SPOCK1: variants seen among roughly 807,000 people sequenced by gnomAD.
SPOCK1 encodes SPARC (osteonectin), cwcv and kazal like domains proteoglycan 1, also known as testican-1.
In SPOCK1, 23 loss-of-function variants were observed where a neutral mutation model predicts 55.3. That is an observed-to-expected ratio of 0.42 (90% CI 0.30 to 0.59). SPOCK1 has a LOEUF of 0.59. Ranked by LOEUF, SPOCK1 falls within the 20% of genes least tolerant of loss-of-function variation. The pLI, the probability that SPOCK1 is intolerant of heterozygous loss-of-function variation, is 0.22. For synonymous variants in SPOCK1, 226 were observed against 221.0 expected (o/e 1.02, Z -0.20); for missense variants, 499 against 552.5 (o/e 0.90, Z 0.97).
rs1419489607 is a variant in SPOCK1, at chr5:137,274,298, C to T, written c.187-7243G>A. On this transcript the variant is annotated intron_variant, in intron 2 of 10. Transcript: ENST00000394945. ...ATCTAGGAAGGAAAGAATAGGTCAG[C>T]ACCAAGGAGTTAAAGTCAGAGAAGA... Among the ~76,000 whole-genome samples, 5 of 152,154 alleles carry T rather than the reference C, an allele frequency of 3.3e-5. No homozygotes were observed. In the South Asian group the frequency reaches 8.3e-4, roughly 25 times the overall value.
chr5:137,411,758 G>C (rs1328651657), intron 2 of SPOCK1, among the ~76,000 whole-genome samples: 1 of 152,178 alleles, frequency 6.6e-6, no homozygotes, highest in African/African-American at 2.4e-5. Flanking sequence ...CTGCAAATGA[G>C]AGCATGGCAA....
intron 2 of SPOCK1, among the ~76,000 whole-genome samples, chr5:137,399,289 T>C (rs1751924496): frequency 2.0e-5 from 3 of 152,182 alleles, no homozygotes; most frequent in South Asian, 4.2e-4. Flanking sequence ...TGAGCTCATT[T>C]AATTCTAATA....
rs149390389 is a variant in SPOCK1 at position 137,125,119 on chromosome 5, G to A, written c.348-12558C>T. On this transcript the variant is annotated intron_variant, in intron 4 of 10. Transcript: ENST00000394945. ...TACTGTAAGCATCACTTTGCAACTC[G>A]GCTGACCTAACACAGCTTCCATTAA... Among the ~76,000 whole-genome samples the A allele has an allele frequency of 7.0e-3, 1,068 of 152,248 alleles. 14 individuals carry two copies. The highest frequency in any genetic ancestry group is 0.024 in the African/African-American group (980 of 41,530).
chr5:137,259,780 G>A (rs1407922843), intron 3 of SPOCK1, among the ~76,000 whole-genome samples: 1 of 151,826 alleles, frequency 6.6e-6, no homozygotes, highest in Admixed American at 6.6e-5. Flanking sequence ...TTTGATTTGA[G>A]CACTTTCAAC....
intron 3 of SPOCK1, among the ~76,000 whole-genome samples, chr5:137,223,704 G>C (rs946106050): frequency 6.6e-6 from 1 of 152,056 alleles, no homozygotes; most frequent in Non-Finnish European, 1.5e-5. Flanking sequence ...TCAAAAAATT[G>C]CTCAAACATG....
intron 6 of SPOCK1, among the ~76,000 whole-genome samples, chr5:137,014,996 G>A (rs1186000685): frequency 6.6e-6 from 1 of 152,106 alleles, no homozygotes; most frequent in African/African-American, 2.4e-5. Context: ...AAATTAAGCT[G>A]GAGCTAATTC....
chr5:137,360,474 C>T (rs1750917651), intron 2 of SPOCK1, among the ~76,000 whole-genome samples: 1 of 152,098 alleles, frequency 6.6e-6, no homozygotes, highest in South Asian at 2.1e-4. Context: ...CCAAATATAC[C>T]CTTCCTAGGA....
At chr5:137,282,340 A>C (rs1757181994) in intron 2 of SPOCK1, among the ~76,000 whole-genome samples, 1 of 152,260 alleles carries the variant, frequency 6.6e-6, no homozygotes, top group African/African-American at 2.4e-5. Flanking sequence ...CAAAAGTGTA[A>C]ATAAAATGCC....
intron 4 of SPOCK1, among the ~76,000 whole-genome samples, chr5:137,139,681 C>T (rs565036896): frequency 1.4e-4 from 22 of 152,200 alleles, no homozygotes; most frequent in Admixed American, 1.3e-4. Flanking sequence ...GGGAACTGGA[C>T]ATGGGCAACT....
intron 3 of SPOCK1, among the ~76,000 whole-genome samples, chr5:137,196,615 T>C (rs1031778996): frequency 6.6e-5 from 10 of 152,258 alleles, no homozygotes; most frequent in Admixed American, 3.3e-4. Context: ...CGAATGCCAC[T>C]TCCTCAAGGA....
chr5:137,171,422 G>A (rs780067428), intron 3 of SPOCK1, among the ~76,000 whole-genome samples: 1 of 152,138 alleles, frequency 6.6e-6, no homozygotes, highest in Non-Finnish European at 1.5e-5. Flanking sequence ...AACTTTTGCT[G>A]AGTTTAACTG....
intron 2 of SPOCK1, among the ~76,000 whole-genome samples, chr5:137,480,328 C>T (rs904348096): frequency 6.6e-6 from 1 of 151,728 alleles, no homozygotes; most frequent in Non-Finnish European, 1.5e-5. Flanking sequence ...CACACACACA[C>T]ACACACACAC....
At chr5:137,123,286 T>A (rs1753721274) in intron 4 of SPOCK1, among the ~76,000 whole-genome samples, 1 of 152,192 alleles carries the variant, frequency 6.6e-6, no homozygotes, top group South Asian at 2.1e-4. Flanking sequence ...TCAAGAACTC[T>A]GGCTAGCTCC....
chr5:137,080,579 G>A (rs1010502157), intron 5 of SPOCK1, among the ~76,000 whole-genome samples: 3 of 152,242 alleles, frequency 2.0e-5, no homozygotes, highest in Non-Finnish European at 4.4e-5. Flanking sequence ...TGAAACAAGG[G>A]CTCCACCAGG....
chr5:137,073,674 C>CTTT (rs201676207), intron 5 of SPOCK1, among the ~76,000 whole-genome samples: 1 of 146,824 alleles, frequency 6.8e-6, no homozygotes, highest in African/African-American at 2.5e-5. Flanking sequence ...GAGGAAAATG[C>CTTT]TTTTTTTTTT....
At chr5:137,180,005 T>C (rs1231114148) in intron 3 of SPOCK1, among the ~76,000 whole-genome samples, 1 of 152,124 alleles carries the variant, frequency 6.6e-6, no homozygotes, top group African/African-American at 2.4e-5. Flanking sequence ...AACACTACAA[T>C]GTGACTGCTA....
At chr5:137,160,552 ATATATTATATAT>A (rs1754514131) in intron 3 of SPOCK1, among the ~76,000 whole-genome samples, 1 of 28,904 alleles carries the variant, frequency 3.5e-5, no homozygotes, top group Non-Finnish European at 5.9e-5. Flanking sequence ...TATATATAAT[ATATATTATATAT>A]TATATATTAT....
At chr5:137,361,202 GA>G (rs1430777850) in intron 2 of SPOCK1, among the ~76,000 whole-genome samples, 1 of 152,178 alleles carries the variant, frequency 6.6e-6, no homozygotes, top group Non-Finnish European at 1.5e-5. Context: ...CCTTGACCTT[GA>G]ACCTTCTAGC....
At chr5:137,391,765 T>C (rs1202211758) in intron 2 of SPOCK1, among the ~76,000 whole-genome samples, 2 of 152,098 alleles carry the variant, frequency 1.3e-5, no homozygotes, top group Non-Finnish European at 2.9e-5. Flanking sequence ...GGCCTCTCTC[T>C]CAAGCATCCT....
Sources: gnomAD v4.1 joint callset for allele counts (sites outside exome capture counted in the v4.1 genomes callset) on GRCh38, gnomAD v4.1.1 for gene constraint, MANE v1.5 for transcripts, NCBI Gene and HGNC (gene_info 2026-07-23, HGNC 2026-07-21) for gene names.